FAR2: variants seen among roughly 807,000 people sequenced by gnomAD.
The protein encoded by FAR2 is epididymis secretory protein Li 81.
In FAR2, 19 loss-of-function variants were observed where a neutral mutation model predicts 56.0. The ratio of observed to expected loss-of-function variants is 0.34; its 90% CI spans 0.24 to 0.50. FAR2 has a LOEUF of 0.50. FAR2 is among the 20% of genes least tolerant of loss of function. FAR2 has a pLI of 0.98. For synonymous variants in FAR2, 219 were observed against 218.8 expected, an observed-to-expected ratio of 1.00 and a Z score of -0.01; for missense variants, 508 against 642.2, an observed-to-expected ratio of 0.79 and a Z score of 2.26.
At chr12:29,204,506 A>T (rs541802640) in intron 1 of FAR2, among the ~76,000 whole-genome samples, 22 of 152,180 alleles carry the variant, frequency 1.4e-4, no homozygotes, top group Admixed American at 5.9e-4. Flanking sequence ...TAAAGCAGAA[A>T]CTATCTTTGT....
chr12:29,152,623 C>G (rs1394620372), intron 1 of FAR2, among the ~76,000 whole-genome samples: 1 of 152,212 alleles, frequency 6.6e-6, no homozygotes, highest in Non-Finnish European at 1.5e-5. Flanking sequence ...TGCAATTACT[C>G]TGTGCAGGGG....
chr12:29,321,764 G>C, intron 9 of FAR2, 31 bp from the exon 10 acceptor site: 1 of 1,608,644 alleles, frequency 6.2e-7, no homozygotes, highest in African/African-American at 1.3e-5. Context: ...GTGGTGCGCT[G>C]ATATTTACTC....
chr12:29,282,399 T>A (rs1412974440), intron 2 of FAR2: 1 of 152,168 alleles, frequency 6.6e-6, no homozygotes, highest in African/African-American at 2.4e-5. Flanking sequence ...CAAGTCCCCC[T>A]CTAGATTCTG....
intron 1 of FAR2, among the ~76,000 whole-genome samples, chr12:29,163,612 G>T (rs1195746906): frequency 6.6e-6 from 1 of 152,148 alleles, no homozygotes; most frequent in Non-Finnish European, 1.5e-5. Flanking sequence ...TAATAAATAT[G>T]ATTTGAATTC....
chr12:29,171,631 A>T, intron 1 of FAR2: 1 of 150,880 alleles, frequency 6.6e-6, no homozygotes, highest in Non-Finnish European at 1.5e-5. Flanking sequence ...TGAAGTGAGG[A>T]GCACCTCTGC....
At chr12:29,229,122 A>G (rs1004935244) in intron 1 of FAR2, among the ~76,000 whole-genome samples, 2 of 152,192 alleles carry the variant, frequency 1.3e-5, no homozygotes, top group Non-Finnish European at 1.5e-5. Flanking sequence ...CTGAGCTTCA[A>G]TTTGCAGTTC....
At chr12:29,186,947 A>C (rs1046368773) in intron 1 of FAR2, among the ~76,000 whole-genome samples, 157 of 151,736 alleles carry the variant, frequency 1.0e-3, no homozygotes, top group African/African-American at 3.5e-3. Flanking sequence ...CGCCACCACA[A>C]CCGGCTAATT....
chr12:29,322,964 C>T (rs1949577678), intron 10 of FAR2, among the ~76,000 whole-genome samples: 1 of 152,224 alleles, frequency 6.6e-6, no homozygotes, highest in Admixed American at 6.5e-5. Flanking sequence ...TCCGGCACTC[C>T]CCAGTGAGAT....
chr12:29,250,303 A>T (rs949657568), intron 1 of FAR2, among the ~76,000 whole-genome samples: 3 of 152,152 alleles, frequency 2.0e-5, no homozygotes, highest in Admixed American at 2.0e-4. Context: ...GACCAGTTGG[A>T]TCCATTGGTC....
intron 1 of FAR2, among the ~76,000 whole-genome samples, chr12:29,205,919 A>G (rs1947473715): frequency 6.6e-6 from 1 of 152,178 alleles, no homozygotes; most frequent in Non-Finnish European, 1.5e-5. Flanking sequence ...TGATTTTTAA[A>G]AAAACCAATC....
chr12:29,170,159 G>C (rs1402093180), intron 1 of FAR2, among the ~76,000 whole-genome samples: 6 of 152,248 alleles, frequency 3.9e-5, no homozygotes, highest in Non-Finnish European at 8.8e-5. Flanking sequence ...CGTTTGAGCA[G>C]ACCAGTTGTT....
intron 1 of FAR2, among the ~76,000 whole-genome samples, chr12:29,193,888 G>A (rs746828456): frequency 7.2e-5 from 11 of 152,118 alleles, no homozygotes; most frequent in Non-Finnish European, 1.0e-4. Context: ...AGTTCCTATC[G>A]CTCCACATTC....
At chr12:29,315,658 T>C (rs1013524678) in intron 8 of FAR2, among the ~76,000 whole-genome samples, 4 of 152,130 alleles carry the variant, frequency 2.6e-5, no homozygotes, top group Admixed American at 1.3e-4. Context: ...AGAAGGCTGA[T>C]AGATTTTGTT....
intron 1 of FAR2, among the ~76,000 whole-genome samples, chr12:29,159,175 C>T (rs896099966): frequency 1.3e-5 from 2 of 152,146 alleles, no homozygotes; most frequent in Non-Finnish European, 2.9e-5. Flanking sequence ...ATTTTCCCTT[C>T]TTCCCTCTTC....
intron 10 of FAR2, among the ~76,000 whole-genome samples, chr12:29,330,482 G>A (rs1403187402): frequency 6.6e-6 from 1 of 152,156 alleles, no homozygotes; most frequent in Admixed American, 6.5e-5. Flanking sequence ...TGAATGCCTA[G>A]AATGTTAAAT....
At chr12:29,237,896 A>G (rs1947964676) in intron 1 of FAR2, among the ~76,000 whole-genome samples, 1 of 152,186 alleles carries the variant, frequency 6.6e-6, no homozygotes, top group Non-Finnish European at 1.5e-5. Flanking sequence ...TTTTTATATT[A>G]CATGATGAGA....
At chr12:29,313,770 T>C (rs897663767) in intron 8 of FAR2, among the ~76,000 whole-genome samples, 1 of 152,156 alleles carries the variant, frequency 6.6e-6, no homozygotes, top group African/African-American at 2.4e-5. Context: ...TTCATAATAG[T>C]TGTGTGTCTT....
At chr12:29,168,713 C>T (rs1012746043) in intron 1 of FAR2, among the ~76,000 whole-genome samples, 3 of 152,154 alleles carry the variant, frequency 2.0e-5, no homozygotes, top group East Asian at 3.8e-4. Context: ...AAGCCGTGGA[C>T]GTTCGTGATG....
chr12:29,301,496 G>A (rs940652484), intron 4 of FAR2: 1 of 152,212 alleles, frequency 6.6e-6, no homozygotes, highest in African/African-American at 2.4e-5. Flanking sequence ...GACCAAGAAA[G>A]GCAGGGTTTT....
Sources: gnomAD v4.1 joint callset for allele counts (sites outside exome capture counted in the v4.1 genomes callset) on GRCh38, gnomAD v4.1.1 for gene constraint, MANE v1.5 for transcripts, NCBI Gene and HGNC (gene_info 2026-07-23, HGNC 2026-07-21) for gene names.